Variants in GPT observed in about 807,000 individuals in gnomAD.
GPT encodes glutamic--pyruvic transaminase.
Under a neutral mutation model 51.4 loss-of-function variants are expected in GPT, and 60 were observed. The ratio of observed to expected loss-of-function variants is 1.17; its 90% CI spans 0.95 to 1.45. The LOEUF (loss-of-function observed/expected upper bound fraction) is 1.45. Ranked by LOEUF, GPT falls within the 40% of genes most tolerant of loss-of-function variation. The pLI is 0.00. For synonymous variants in GPT, 397 were observed against 303.1 expected, an observed-to-expected ratio of 1.31 and a Z score of -3.22; for missense variants, 853 against 704.0, an observed-to-expected ratio of 1.21 and a Z score of -2.40.
rs1450043360 is a variant in GPT at position 144,506,314 on chromosome 8, C to T, written c.1039C>T (p.Arg347Trp). The T allele has an allele frequency of 2.6e-6, 4 of 1,563,346 alleles. No homozygotes were observed. In the East Asian group the frequency reaches 7.1e-5, roughly 28 times the overall value. The change falls in exon 8 of 11, where the codon CGG becomes TGG. Residue 347 changes from arginine to tryptophan, a missense_variant. Coordinates refer to ENST00000394955, the MANE Select transcript of GPT (RefSeq NM_005309.3). The surrounding 1 kb of genome is among the most constrained non-coding windows in gnomAD (Gnocchi z 7.0). ...GCAGATGCTGAAGCTGATGAGTGTG[C>T]GGCTGTGCCCGCCGGTGCCAGGACA... is the stretch of plus-strand genomic sequence containing the variant. ...QQQMLKLMSVRLCPPVPGQAL... is the reference protein window; with the variant it reads ...QQQMLKLMSVWLCPPVPGQAL...
chr8:144,503,910 C>A (rs371493659), upstream of GPT: 15 of 301,624 alleles, frequency 5.0e-5, no homozygotes, highest in South Asian at 4.7e-4. Context: ...CCCTCTCCCC[C>A]TCCCCCCATG....
intron 5 of GPT, 44 bp from the exon 6 acceptor site, chr8:144,505,804 G>C (rs770229545): frequency 6.5e-7 from 1 of 1,527,768 alleles, no homozygotes; most frequent in Non-Finnish European, 8.8e-7. Flanking sequence ...AGGGCAGTGC[G>C]CCCCCTTGGC....
rs1826782839 is a variant in GPT at position 144,505,994 on chromosome 8, G to A, written c.820-1G>A. ...CCCCGTGACGCCTTGCGCCCTTCCA[G>A]GTGTACCAGGACAACGTGTACGCCG... is the stretch of plus-strand genomic sequence containing the variant. On this transcript the variant is annotated splice_acceptor_variant, in intron 6 of 10. Transcript: ENST00000394955. LOFTEE classifies it high-confidence loss of function. 6 of 1,612,276 alleles carry A rather than the reference G, an allele frequency of 3.7e-6. No individual in the cohort carries two copies. Among genetic ancestry groups the A allele is most frequent in the Admixed American group, 1.7e-5 (1 of 59,980 alleles).
At position 144,507,115 on chromosome 8, in the gene GPT, T is replaced by G. The variant is rs201082887; in HGVS notation, c.*115T>G. ...GCCTGGCGGGGTGGGGTGGGGGGGG[T>G]GCTGGGCCCCTGCCTCTCTGCAGGT... On this transcript the variant is annotated 3_prime_UTR_variant, in exon 11 of 11. Coordinates refer to ENST00000394955, the MANE Select transcript of GPT (RefSeq NM_005309.3). 3,705 of 636,058 alleles carry G rather than the reference T, an allele frequency of 5.8e-3. 128 individuals carry two copies. The highest frequency in any genetic ancestry group is 0.058 in the African/African-American group (2,965 of 51,114). The allele number at this position is 636,058 out of a possible 1,614,324, so 39.4% of individuals were successfully genotyped here.
Position 144,506,132 on chromosome 8 carries a change from G to A in GPT, c.956+1G>A. ...CCACCTCCAAGGGCTACATGGGCGA[G>A]TGCGTGCGTACGAGGCGGGTGGGGG... On this transcript the variant is annotated splice_donor_variant, in intron 7 of 10. Coordinates refer to ENST00000394955, the MANE Select transcript of GPT (RefSeq NM_005309.3). LOFTEE classifies it high-confidence loss of function. This position sits in a 1 kb window ranked among gnomAD's most constrained non-coding sequence, Gnocchi z 7.0. 1 of 1,611,774 alleles carries A rather than the reference G, an allele frequency of 6.2e-7. No individual in the cohort carries two copies. Among genetic ancestry groups the A allele is most frequent in the Non-Finnish European group, 8.5e-7 (1 of 1,179,302 alleles).
chr8:144,506,243 G>T lies in GPT; in HGVS notation c.968G>T (p.Arg323Leu). ...SKGYMGECGF[R>L]GGYVEVVNMD... ...CTGGCCGTGCGCAGGTGCGGGTTCC[G>T]CGGCGGCTATGTGGAGGTGGTGAAC... Residue 323 changes from arginine to leucine, a missense_variant, in exon 8 of 11, where the codon CGC (arginine) becomes CTC (leucine). Transcript: ENST00000394955. This position sits in a 1 kb window ranked among gnomAD's most constrained non-coding sequence, Gnocchi z 7.0. 1.9e-6 allele frequency: 3 copies of T among 1,606,932 alleles called. No homozygotes were observed. The highest frequency in any genetic ancestry group is 2.5e-6 in the Non-Finnish European group (3 of 1,178,926).
upstream of GPT, chr8:144,504,011 C>A (rs1047458530): frequency 2.0e-6 from 1 of 509,712 alleles, no homozygotes; most frequent in Non-Finnish European, 3.6e-6. Flanking sequence ...TAGGCAGGCA[C>A]TGGGCCTTGC....
At chr8:144,504,939 C>G (rs1342694476) in intron 3 of GPT, 59 bp from the exon 4 acceptor site, 11 of 1,612,852 alleles carry the variant, frequency 6.8e-6, no homozygotes, top group Non-Finnish European at 9.3e-6. Context: ...AGGGAAGTCC[C>G]TTGGGAGGGC....
Position 144,504,837 on chromosome 8 carries a change from AG to A in GPT, c.322del (p.Ala108ArgfsTer24). Reference protein sequence around the residue: ...SPNFPDDAKKRAERILQACGG... With the variant: ...SPNFPDDAKKXAERILQACGG... ...CAACTTCCCTGACGATGCCAAGAAA[AG>A]GGCGGAGCGCATCTTGCAGGCGTGT... On this transcript the variant is annotated frameshift_variant, in exon 3 of 11. Coordinates refer to ENST00000394955, the MANE Select transcript of GPT (RefSeq NM_005309.3). LOFTEE classifies it high-confidence loss of function. 1.2e-6 allele frequency: 2 copies of A among 1,613,560 alleles called. No individual in the cohort carries two copies. Among genetic ancestry groups the A allele is most frequent in the Non-Finnish European group, 1.7e-6 (2 of 1,180,016 alleles).
chr8:144,506,129 C>T lies in GPT; in HGVS notation c.954C>T (p.Gly318=), dbSNP rs754212207. 6 of 1,611,580 alleles carry T rather than the reference C, an allele frequency of 3.7e-6. No individual in the cohort carries two copies. The African/African-American group carries it at 5.3e-5, about 14-fold the overall frequency. The change falls in exon 7 of 11, where the codon GGC becomes GGT. Residue 318 remains glycine (G), a splice_region_variant and synonymous_variant. Coordinates refer to ENST00000394955, the MANE Select transcript of GPT (RefSeq NM_005309.3). This position sits in a 1 kb window ranked among gnomAD's most constrained non-coding sequence, Gnocchi z 7.0. ...ACTCCACCTCCAAGGGCTACATGGGCGAGTGCGTGCGTACGAGGCGGGTGG... is the reference window on the plus strand; with the variant it reads ...ACTCCACCTCCAAGGGCTACATGGGTGAGTGCGTGCGTACGAGGCGGGTGG... ...SFHSTSKGYM[G]ECGFRGGYVE... is the part of the protein sequence containing the mutation.
upstream of GPT, chr8:144,504,086 G>T: frequency 1.6e-6 from 1 of 606,248 alleles, no homozygotes; most frequent in Non-Finnish European, 3.0e-6. Context: ...GTTCCCAGAC[G>T]GGTGGGGCGG....
Position 144,506,515 on chromosome 8 carries a change from G to C in GPT, c.1146G>C (p.Val382=). Residue 382 remains valine (V), a synonymous_variant, in exon 9 of 11, where the codon GTG becomes GTC. Transcript: ENST00000394955. This position sits in a 1 kb window ranked among gnomAD's most constrained non-coding sequence, Gnocchi z 7.0. ...FAQFQAEKQA[V]LAELAAKAKL... ...CGCGGCCACAGGAGAAGCAGGCAGT[G>C]CTGGCAGAGCTGGCGGCCAAGGCCA... 1.3e-6 allele frequency: 2 copies of C among 1,596,854 alleles called. No individual in the cohort carries two copies. Among genetic ancestry groups the C allele is most frequent in the Non-Finnish European group, 1.7e-6 (2 of 1,173,200 alleles).
rs1170547473 is a variant in GPT, at chr8:144,506,787, C to A, written c.1344C>A (p.Gly448=). Residue 448 remains glycine (G), a synonymous_variant, in exon 10 of 11, where the codon GGC becomes GGA. Transcript: ENST00000394955. The surrounding 1 kb of genome is among the most constrained non-coding windows in gnomAD (Gnocchi z 7.0). ...GCCTGCGCCTCCTGGAGGAGACCGG[C>A]ATCTGCGTGGTGCCAGGGAGCGGCT... ...FFCLRLLEET[G]ICVVPGSGFG... is the part of the protein sequence containing the mutation. 6.2e-7 allele frequency: 1 copy of A among 1,612,516 alleles called. No individual in the cohort carries two copies. Among genetic ancestry groups the A allele is most frequent in the African/African-American group, 1.3e-5 (1 of 74,922 alleles).
At position 144,507,114 on chromosome 8, in the gene GPT, G is replaced by GGGGGGGGGGGGGGCC; in HGVS notation, c.*114_*115insGGGGGGGGGGGGGCC. 1 of 498,332 alleles carries GGGGGGGGGGGGGGCC rather than the reference G, an allele frequency of 2.0e-6. No homozygotes were observed. The highest frequency in any genetic ancestry group is 3.9e-6 in the Non-Finnish European group (1 of 254,518). The allele number at this position is 498,332 out of a possible 1,614,324, so 30.9% of individuals were successfully genotyped here. ...TGCCTGGCGGGGTGGGGTGGGGGGG[G>GGGGGGGGGGGGGGCC]TGCTGGGCCCCTGCCTCTCTGCAGG... On this transcript the variant is annotated 3_prime_UTR_variant, in exon 11 of 11. Coordinates refer to ENST00000394955, the MANE Select transcript of GPT (RefSeq NM_005309.3).
At chr8:144,505,186 G>A (rs747452460) in intron 4 of GPT, 55 bp downstream of exon 4, 42 of 1,612,556 alleles carry the variant, frequency 2.6e-5, no homozygotes, top group Non-Finnish European at 3.2e-5. Context: ...GGGCGCCCAG[G>A]GTGGGGGACA....
rs1564776931 is a variant in GPT, at chr8:144,504,863, TG to T, written c.350del (p.Gly117AlafsTer15). ...KRAERILQAC[G>X]GHSLGAYSVS... ...GGGCGGAGCGCATCTTGCAGGCGTG[TG>T]GGGGCCACAGTCTGGGTGAGAGCCA... On this transcript the variant is annotated frameshift_variant, in exon 3 of 11. Coordinates refer to ENST00000394955, the MANE Select transcript of GPT (RefSeq NM_005309.3). LOFTEE classifies it high-confidence loss of function. The T allele has an allele frequency of 6.2e-7, 1 of 1,613,144 alleles. No homozygotes were observed. The highest frequency in any genetic ancestry group is 8.5e-7 in the Non-Finnish European group (1 of 1,179,976).
chr8:144,503,964 C>A, upstream of GPT: 1 of 414,418 alleles, frequency 2.4e-6, no homozygotes, highest in Non-Finnish European at 4.6e-6. Context: ...GTACCTACCC[C>A]CCATGTGGGT....
chr8:144,507,116 G>A lies in GPT; in HGVS notation c.*116G>A. 1 of 686,638 alleles carries A rather than the reference G, an allele frequency of 1.5e-6. No homozygotes were observed. The highest frequency in any genetic ancestry group is 2.6e-6 in the Non-Finnish European group (1 of 378,558). 42.5% of individuals were successfully genotyped at this position (686,638 alleles called of 1,614,324 possible). On this transcript the variant is annotated 3_prime_UTR_variant, in exon 11 of 11. Coordinates refer to ENST00000394955, the MANE Select transcript of GPT (RefSeq NM_005309.3). ...CCTGGCGGGGTGGGGTGGGGGGGGT[G>A]CTGGGCCCCTGCCTCTCTGCAGGTC...
rs765419964 is a variant in GPT, at chr8:144,506,678, C to CG, written c.1287+26dup. 1 of 556,836 alleles carries CG rather than the reference C, an allele frequency of 1.8e-6. No individual in the cohort carries two copies. The highest frequency in any genetic ancestry group is 1.5e-5 in the South Asian group (1 of 67,328). The allele number at this position is 556,836 out of a possible 1,614,324, so 34.5% of individuals were successfully genotyped here. The stretch of plus-strand genomic sequence containing the variant: ...TCAGGTCAGGCGGGGGCGGGGCCTG[C>CG]GGGGTGGGCAGGGGGGGCCGGGCAT... On this transcript the variant is annotated intron_variant, in intron 9 of 10. Coordinates refer to ENST00000394955, the MANE Select transcript of GPT (RefSeq NM_005309.3). This position sits in a 1 kb window ranked among gnomAD's most constrained non-coding sequence, Gnocchi z 7.0.
Sources: allele counts gnomAD v4.1 joint callset, GRCh38; gene constraint gnomAD v4.1.1; non-coding constraint Gnocchi (gnomAD v3.1); transcripts MANE v1.5; gene names NCBI Gene and HGNC (gene_info 2026-07-23, HGNC 2026-07-21).